Variants in KHDRBS2 observed in about 807,000 individuals in gnomAD.
KHDRBS2 encodes the protein KH domain-containing, RNA-binding, signal transduction-associated protein 2.
A neutral mutation model predicts 44.3 loss-of-function variants in KHDRBS2; 26 were observed. The observed-to-expected ratio is 0.59, with a 90% confidence interval of 0.43 to 0.81. The LOEUF (loss-of-function observed/expected upper bound fraction) is 0.81. KHDRBS2 is among the 40% of genes least tolerant of loss of function. KHDRBS2 has a pLI of 0.00. For missense variants in KHDRBS2, 476 were observed against 433.1 expected, an observed-to-expected ratio of 1.10 and a Z score of -0.88; for synonymous variants, 194 against 151.1, an observed-to-expected ratio of 1.28 and a Z score of -2.08.
chr6:62,171,288 A>C (rs1819948378), intron 2 of KHDRBS2, among the ~76,000 whole-genome samples: 1 of 152,148 alleles, frequency 6.6e-6, no homozygotes, highest in Non-Finnish European at 1.5e-5. Context: ...TTAATAATAC[A>C]ATCACAAGTA....
chr6:62,282,684 T>A (rs1294622246), intron 1 of KHDRBS2, among the ~76,000 whole-genome samples: 1 of 152,142 alleles, frequency 6.6e-6, no homozygotes, highest in Non-Finnish European at 1.5e-5. Flanking sequence ...ATGCCTCAAA[T>A]TACATTTTAG....
intron 4 of KHDRBS2, among the ~76,000 whole-genome samples, chr6:61,934,992 C>A (rs1810769954): frequency 6.6e-6 from 1 of 152,194 alleles, no homozygotes; most frequent in African/African-American, 2.4e-5. Context: ...CTTCCATTCT[C>A]TCTCACAATT....
At chr6:61,651,637 CA>C in the KHDRBS2 span, among the ~76,000 whole-genome samples, 1 of 152,182 alleles carries the variant, frequency 6.6e-6, no homozygotes, top group African/African-American at 2.4e-5. Context: ...ATATCTTGTC[CA>C]CAATCTCACA....
At chr6:62,114,413 G>A (rs1805726687) in intron 2 of KHDRBS2, among the ~76,000 whole-genome samples, 1 of 152,050 alleles carries the variant, frequency 6.6e-6, no homozygotes. Flanking sequence ...TAAGAGTTTT[G>A]TGACATTGAT....
intron 1 of KHDRBS2, among the ~76,000 whole-genome samples, chr6:62,196,358 A>G (rs1825701358): frequency 6.6e-6 from 1 of 152,162 alleles, no homozygotes; most frequent in Non-Finnish European, 1.5e-5. Context: ...GTATACTTCC[A>G]ATTAGGCAAA....
At chr6:61,862,349 T>A (rs1342677576) in intron 6 of KHDRBS2, among the ~76,000 whole-genome samples, 1 of 152,230 alleles carries the variant, frequency 6.6e-6, no homozygotes, top group South Asian at 2.1e-4. Context: ...GAACTTCCAA[T>A]ACTATGTAGA....
At chr6:61,907,320 G>A (rs1264296093) in intron 4 of KHDRBS2, among the ~76,000 whole-genome samples, 1 of 151,724 alleles carries the variant, frequency 6.6e-6, no homozygotes, top group Non-Finnish European at 1.5e-5. Context: ...TTATCAGATA[G>A]GTAATTTGCA....
intron 3 of KHDRBS2, among the ~76,000 whole-genome samples, chr6:62,035,529 G>A (rs1785127142): frequency 6.6e-6 from 1 of 151,908 alleles, no homozygotes. Context: ...AGGTAGGCAT[G>A]GTTAATGGGT....
chr6:62,082,104 G>A (rs1239127548), intron 2 of KHDRBS2, among the ~76,000 whole-genome samples: 1 of 152,060 alleles, frequency 6.6e-6, no homozygotes, highest in Admixed American at 6.6e-5. Flanking sequence ...ACTTTAGGAG[G>A]TGACGAATCC....
At chr6:62,123,022 G>A (rs2150084089) in intron 2 of KHDRBS2, among the ~76,000 whole-genome samples, 1 of 151,970 alleles carries the variant, frequency 6.6e-6, no homozygotes, top group South Asian at 2.1e-4. Context: ...TTTACATTAA[G>A]TGTTTCTCCT....
the KHDRBS2 span, among the ~76,000 whole-genome samples, chr6:61,555,619 T>C: frequency 6.6e-6 from 1 of 152,242 alleles, no homozygotes; most frequent in Non-Finnish European, 1.5e-5. Flanking sequence ...GCACTGATTC[T>C]TTTACATCTG....
intron 2 of KHDRBS2, among the ~76,000 whole-genome samples, chr6:62,161,484 T>G (rs2150112083): frequency 6.7e-6 from 1 of 148,300 alleles, no homozygotes; most frequent in Non-Finnish European, 1.5e-5. Context: ...AGATATCATT[T>G]AAAGTATATG....
intron 4 of KHDRBS2, among the ~76,000 whole-genome samples, chr6:61,908,361 G>A (rs1205239775): frequency 5.3e-5 from 8 of 151,974 alleles, no homozygotes; most frequent in East Asian, 1.9e-4. Flanking sequence ...TAGGCTGGGC[G>A]TGGTGGCTCA....
At chr6:61,693,305 A>G (rs536449135) in intron 8 of KHDRBS2, among the ~76,000 whole-genome samples, 38 of 152,226 alleles carry the variant, frequency 2.5e-4, no homozygotes, top group South Asian at 2.3e-3. Context: ...ATATCCTACT[A>G]CATGATATCT....
chr6:61,645,336 A>G, the KHDRBS2 span, among the ~76,000 whole-genome samples: 1 of 152,048 alleles, frequency 6.6e-6, no homozygotes, highest in Non-Finnish European at 1.5e-5. Context: ...GGGAGAAGGA[A>G]GAGGATCAGA....
intron 2 of KHDRBS2, among the ~76,000 whole-genome samples, chr6:62,124,510 T>G (rs1808473183): frequency 6.6e-6 from 1 of 151,870 alleles, no homozygotes; most frequent in Admixed American, 6.6e-5. Context: ...TTTCCTGGAA[T>G]GTACTCTACT....
At chr6:62,093,883 T>C (rs1016882651) in intron 2 of KHDRBS2, among the ~76,000 whole-genome samples, 1 of 150,074 alleles carries the variant, frequency 6.7e-6, no homozygotes, top group African/African-American at 2.5e-5. Flanking sequence ...TGTGTGTGTG[T>C]GTGTGTGTGT....
chr6:61,755,883 C>CT (rs1178166809), intron 6 of KHDRBS2, among the ~76,000 whole-genome samples: 2 of 151,656 alleles, frequency 1.3e-5, no homozygotes, highest in African/African-American at 4.8e-5. Context: ...CCAATAAAGA[C>CT]TTACTGGGCC....
intron 1 of KHDRBS2, among the ~76,000 whole-genome samples, chr6:62,250,934 C>T (rs1836422186): frequency 6.6e-6 from 1 of 151,830 alleles, no homozygotes; most frequent in Admixed American, 6.6e-5. Context: ...ATCATTTGGT[C>T]CCAAGCTGGA....
Sources: allele counts gnomAD v4.1 joint callset (sites outside exome capture counted in the v4.1 genomes callset), GRCh38; gene constraint gnomAD v4.1.1; transcripts MANE v1.5; gene names NCBI Gene and HGNC (gene_info 2026-07-23, HGNC 2026-07-21).